Variants in ESRRG observed in about 807,000 individuals in gnomAD.
The protein encoded by ESRRG is estrogen-related receptor gamma.
ESRRG carries 13 observed loss-of-function variants against 44.0 expected under a neutral mutation model. That is an observed-to-expected ratio of 0.30 (90% CI 0.19 to 0.47). The LOEUF (loss-of-function observed/expected upper bound fraction) is 0.47. Ranked by LOEUF, ESRRG falls within the 20% of genes least tolerant of loss-of-function variation. ESRRG has a pLI of 1.00. For synonymous variants in ESRRG, 215 were observed against 214.6 expected (o/e 1.00, Z -0.02); for missense variants, 395 against 580.6 (o/e 0.68, Z 3.29).
At chr1:216,869,470 A>T (rs975292975) in intron 2 of ESRRG, among the ~76,000 whole-genome samples, 1 of 152,152 alleles carries the variant, frequency 6.6e-6, no homozygotes, top group Non-Finnish European at 1.5e-5. Context: ...AAGTCTTAAA[A>T]TCAGAAAGTA....
intron 2 of ESRRG, among the ~76,000 whole-genome samples, chr1:216,932,776 C>T (rs2149839562): frequency 7.7e-6 from 1 of 129,182 alleles, no homozygotes; most frequent in East Asian, 2.3e-4. Context: ...CTACATTATG[C>T]AGCCAGGTAT....
chr1:217,078,574 C>T (rs2091503987), intron 1 of ESRRG, among the ~76,000 whole-genome samples: 3 of 152,272 alleles, frequency 2.0e-5, no homozygotes, highest in African/African-American at 7.2e-5. Context: ...GGTATGTTAG[C>T]GCAGTCCCTG....
intron 1 of ESRRG, among the ~76,000 whole-genome samples, chr1:216,683,489 T>C (rs2077392562): frequency 6.6e-6 from 1 of 152,140 alleles, no homozygotes; most frequent in African/African-American, 2.4e-5. Flanking sequence ...GCTTACTCCA[T>C]GAAGAACAAG....
At chr1:216,911,631 G>T (rs141459306) in intron 2 of ESRRG, among the ~76,000 whole-genome samples, 25 of 152,198 alleles carry the variant, frequency 1.6e-4, no homozygotes, top group African/African-American at 5.5e-4. Flanking sequence ...TTCATCAATC[G>T]TAACAAATGT....
chr1:216,892,893 A>G (rs2057989264), intron 2 of ESRRG, among the ~76,000 whole-genome samples: 2 of 152,086 alleles, frequency 1.3e-5, no homozygotes, highest in Non-Finnish European at 2.9e-5. Context: ...TTCTTAATAT[A>G]TGATGGCCAA....
At chr1:216,835,328 A>T (rs2095547597) in intron 2 of ESRRG, among the ~76,000 whole-genome samples, 1 of 152,222 alleles carries the variant, frequency 6.6e-6, no homozygotes, top group Admixed American at 6.5e-5. Flanking sequence ...ATACACAAAA[A>T]GGGGAGTGAC....
chr1:216,879,723 C>T (rs1387801680), intron 2 of ESRRG, among the ~76,000 whole-genome samples: 1 of 152,118 alleles, frequency 6.6e-6, no homozygotes, highest in East Asian at 1.9e-4. Context: ...TACCTCAATC[C>T]CAATATCATC....
Position 216,770,905 on chromosome 1 carries a change from C to T in ESRRG, c.-13-93414G>A, listed in dbSNP as rs139870434. On this transcript the variant is annotated intron_variant, in intron 2 of 7. Transcript: ENST00000359162. ...CCATTCACCCATCCTTCCATTCATT[C>T]ATTTATTCATTCATTCACTCATTCA... Among the ~76,000 whole-genome samples, 75 of 152,216 alleles carry T rather than the reference C, an allele frequency of 4.9e-4. No individual in the cohort carries two copies. The East Asian group carries it at 8.1e-3, about 16-fold the overall frequency.
intron 1 of ESRRG, among the ~76,000 whole-genome samples, chr1:217,028,588 T>C (rs911215266): frequency 6.6e-6 from 1 of 152,176 alleles, no homozygotes; most frequent in Non-Finnish European, 1.5e-5. Flanking sequence ...TCTTTGGGAA[T>C]AGCACATTTT....
intron 1 of ESRRG, among the ~76,000 whole-genome samples, chr1:217,052,860 C>T (rs1391478583): frequency 6.6e-6 from 1 of 152,148 alleles, no homozygotes; most frequent in Non-Finnish European, 1.5e-5. Flanking sequence ...AGCCAGAGTC[C>T]ATGGACTAGT....
chr1:216,581,756 G>A (rs781220263), intron 3 of ESRRG, among the ~76,000 whole-genome samples: 15 of 152,230 alleles, frequency 9.9e-5, no homozygotes, highest in Non-Finnish European at 2.1e-4. Flanking sequence ...TGCCTTGTGG[G>A]AGTGGGGTGG....
intron 6 of ESRRG, among the ~76,000 whole-genome samples, chr1:216,514,011 C>A (rs776847822): frequency 6.6e-6 from 1 of 152,000 alleles, no homozygotes; most frequent in Non-Finnish European, 1.5e-5. Flanking sequence ...GTGCTTATTG[C>A]CCAGGTAATA....
chr1:216,789,958 A>C (rs1467395009), intron 2 of ESRRG, among the ~76,000 whole-genome samples: 1 of 152,122 alleles, frequency 6.6e-6, no homozygotes, highest in Non-Finnish European at 1.5e-5. Context: ...CAATGTGACT[A>C]AGCTCCTACC....
intron 2 of ESRRG, among the ~76,000 whole-genome samples, chr1:216,917,647 T>C (rs955508541): frequency 6.6e-6 from 1 of 152,020 alleles, no homozygotes; most frequent in Non-Finnish European, 1.5e-5. Context: ...AAGAGCAGAG[T>C]CCACAGTTCA....
intron 1 of ESRRG, among the ~76,000 whole-genome samples, chr1:217,005,131 T>C (rs543953770): frequency 6.6e-6 from 1 of 152,326 alleles, no homozygotes; most frequent in South Asian, 2.1e-4. Flanking sequence ...ATGTCTTAGT[T>C]AGCTTGTGTA....
intron 5 of ESRRG, among the ~76,000 whole-genome samples, chr1:216,545,164 C>T (rs2054109616): frequency 6.6e-6 from 1 of 151,802 alleles, no homozygotes; most frequent in Admixed American, 6.6e-5. Context: ...CCTCCTGCTT[C>T]AGTTTCACCA....
intron 3 of ESRRG, among the ~76,000 whole-genome samples, chr1:216,620,331 G>A (rs959203645): frequency 6.6e-6 from 1 of 152,114 alleles, no homozygotes; most frequent in Non-Finnish European, 1.5e-5. Flanking sequence ...AGCCCTAATT[G>A]TAAACCATCA....
rs376364033 is a variant in ESRRG, at chr1:216,571,554, T to A, written c.590-3456A>T. 4.6e-5 allele frequency among the ~76,000 whole-genome samples: 7 copies of A among 152,292 alleles called. No individual in the cohort carries two copies. The East Asian group carries it at 7.7e-4, about 17-fold the overall frequency. On this transcript the variant is annotated intron_variant, in intron 3 of 6. Transcript: ENST00000408911. ...CTTCAAAAGGTGACTATAGAAAAAT[T>A]CATATTACCTATTCCATGCGTCACA... is the stretch of plus-strand genomic sequence containing the variant.
chr1:216,632,303 G>A (rs1473255553), intron 3 of ESRRG, among the ~76,000 whole-genome samples: 1 of 152,076 alleles, frequency 6.6e-6, no homozygotes, highest in African/African-American at 2.4e-5. Flanking sequence ...TGCAACTTAT[G>A]TATCTATAGG....
Sources: gnomAD v4.1 joint callset for allele counts (sites outside exome capture counted in the v4.1 genomes callset) on GRCh38, gnomAD v4.1.1 for gene constraint, MANE v1.5 for transcripts, NCBI Gene and HGNC (gene_info 2026-07-23, HGNC 2026-07-21) for gene names.